Variants in DYNC1I2 observed in about 807,000 individuals in gnomAD.
The protein encoded by DYNC1I2 is cytoplasmic dynein 1 intermediate chain 2.
Under a neutral mutation model 88.6 loss-of-function variants are expected in DYNC1I2, and 53 were observed. The observed-to-expected ratio is 0.60, with a 90% CI of 0.48 to 0.75. The LOEUF (loss-of-function observed/expected upper bound fraction) is 0.75, where lower values mean the gene tolerates loss of function less well. DYNC1I2 is among the 30% of genes least tolerant of loss of function. DYNC1I2 has a pLI of 0.00. For missense variants in DYNC1I2, 458 were observed against 766.6 expected (o/e 0.60, Z 4.75); for synonymous variants, 198 against 254.6 (o/e 0.78, Z 2.12).
intron 3 of DYNC1I2, among the ~76,000 whole-genome samples, chr2:171,700,480 G>A (rs1018034370): frequency 6.6e-6 from 1 of 152,106 alleles, no homozygotes; most frequent in East Asian, 1.9e-4. Context: ...TAAAAAAATC[G>A]TAGCCTTATA....
intron 7 of DYNC1I2, among the ~76,000 whole-genome samples, chr2:171,718,731 C>T (rs1363394827): frequency 5.3e-5 from 8 of 152,016 alleles, no homozygotes; most frequent in Non-Finnish European, 1.0e-4. Context: ...CTGCCCCGGC[C>T]GTCTCCAAAC....
intron 3 of DYNC1I2, among the ~76,000 whole-genome samples, chr2:171,696,766 A>G (rs1400055207): frequency 2.6e-5 from 4 of 151,780 alleles, no homozygotes; most frequent in African/African-American, 7.3e-5. Context: ...TGGGCTCTCT[A>G]TTTTCACTAT....
rs565476757 is a variant in DYNC1I2, at chr2:171,743,013, T to C, written c.1537-1036T>C. Among the ~76,000 whole-genome samples, 57 of 152,304 alleles carry C rather than the reference T, an allele frequency of 3.7e-4. 1 individual carries two copies. In the South Asian group the frequency reaches 0.012, roughly 32 times the overall value. On this transcript the variant is annotated intron_variant, in intron 15 of 17. Coordinates refer to ENST00000397119, the MANE Select transcript of DYNC1I2 (RefSeq NM_001378.3). ...CAGGGCTTAGGGGTGCCAACGCCTA[T>C]CCCAGCAGTTCAAAATCCACATATA...
intron 2 of DYNC1I2, 88 bp downstream of exon 2, chr2:171,690,351 A>G: frequency 7.4e-6 from 7 of 950,830 alleles, no homozygotes; most frequent in Non-Finnish European, 9.2e-6. Flanking sequence ...AGGTTGGTGC[A>G]AAAGTAATCG....
chr2:171,700,016 G>C (rs1411613131), intron 3 of DYNC1I2, among the ~76,000 whole-genome samples: 3 of 151,990 alleles, frequency 2.0e-5, no homozygotes, highest in African/African-American at 7.3e-5. Flanking sequence ...GTTTCTGCTG[G>C]TCAAGAATTT....
intron 3 of DYNC1I2, among the ~76,000 whole-genome samples, chr2:171,696,708 A>G (rs1330164489): frequency 1.3e-5 from 2 of 152,104 alleles, no homozygotes; most frequent in Non-Finnish European, 2.9e-5. Flanking sequence ...CTGAAGTCCG[A>G]TGCCAACTTT....
At chr2:171,689,371 C>T (rs945389057) in intron 1 of DYNC1I2, among the ~76,000 whole-genome samples, 2 of 152,146 alleles carry the variant, frequency 1.3e-5, no homozygotes, top group African/African-American at 4.8e-5. Flanking sequence ...ATTACTACAG[C>T]ACTTTTAGAA....
chr2:171,708,664 C>G (rs1686868736), intron 5 of DYNC1I2, among the ~76,000 whole-genome samples: 1 of 151,944 alleles, frequency 6.6e-6, no homozygotes, highest in South Asian at 2.1e-4. Flanking sequence ...TTTTGTGCTT[C>G]TATATTTTTA....
intron 15 of DYNC1I2, among the ~76,000 whole-genome samples, chr2:171,731,212 T>G (rs967841620): frequency 2.4e-4 from 36 of 152,162 alleles, no homozygotes; most frequent in African/African-American, 8.2e-4. Flanking sequence ...CTAGTGAAAT[T>G]TATACAGTGG....
intron 15 of DYNC1I2, among the ~76,000 whole-genome samples, chr2:171,737,178 C>T (rs1689066949): frequency 6.6e-6 from 1 of 152,178 alleles, no homozygotes; most frequent in African/African-American, 2.4e-5. Flanking sequence ...CAGCTACCAT[C>T]ATTCCAGCCT....
intron 3 of DYNC1I2, among the ~76,000 whole-genome samples, chr2:171,702,434 A>G (rs1299675206): frequency 6.6e-6 from 1 of 152,216 alleles, no homozygotes; most frequent in Non-Finnish European, 1.5e-5. Flanking sequence ...ATTTGGCCTG[A>G]AAAATACAGG....
intron 4 of DYNC1I2, 189 bp downstream of exon 4, chr2:171,706,753 T>TGG (rs199884452): frequency 1.6e-5 from 8 of 488,354 alleles, no homozygotes; most frequent in African/African-American, 2.0e-5. Flanking sequence ...TATCTTTTTT[T>TGG]GGGGGGGAGG....
intron 3 of DYNC1I2, among the ~76,000 whole-genome samples, chr2:171,694,145 C>G (rs911383991): frequency 1.3e-5 from 2 of 151,770 alleles, no homozygotes; most frequent in African/African-American, 2.4e-5. Flanking sequence ...TCAAGCGATT[C>G]TTCTGCCTCA....
chr2:171,690,965 A>G (rs1012119530), intron 2 of DYNC1I2, among the ~76,000 whole-genome samples: 13 of 152,168 alleles, frequency 8.5e-5, no homozygotes, highest in African/African-American at 3.1e-4. Flanking sequence ...CAAGATGTCT[A>G]TATTATAATA....
intron 15 of DYNC1I2, 94 bp downstream of exon 15, chr2:171,729,947 A>G: frequency 6.9e-7 from 1 of 1,439,338 alleles, no homozygotes; most frequent in Non-Finnish European, 9.5e-7. Flanking sequence ...CTTTTAAATC[A>G]TAATTGTTTG....
At chr2:171,726,738 AAAC>A (rs777445858) in intron 10 of DYNC1I2, 50 bp from the exon 11 acceptor site, 2 of 1,597,776 alleles carry the variant, frequency 1.3e-6, no homozygotes, top group Non-Finnish European at 1.7e-6. Context: ...TAGGATTATA[AAAC>A]AGTTCTTATT....
chr2:171,715,282 G>C, intron 6 of DYNC1I2, 46 bp from the exon 7 acceptor site: 1 of 1,183,494 alleles, frequency 8.4e-7, no homozygotes, highest in Non-Finnish European at 1.2e-6. Flanking sequence ...AAAATAACAT[G>C]GTTTGATGTA....
Position 171,715,343 on chromosome 2 carries a change from A to T in DYNC1I2, c.411A>T (p.Lys137Asn), listed in dbSNP as rs1687412932. ...SDSDLGRGPIKLGMAKITQVD... is the reference protein window; with the variant it reads ...SDSDLGRGPINLGMAKITQVD... ...CTTAATTTAGACGAGGACCTATTAA[A>T]CTTGGAATGGCTAAAATCACGCAAG... is the stretch of plus-strand genomic sequence containing the variant. The change falls in exon 7 of 18, where the codon AAA (lysine) becomes AAT (asparagine). Residue 137 changes from lysine to asparagine, a missense_variant. Transcript: ENST00000397119. 1.3e-6 allele frequency: 2 copies of T among 1,560,256 alleles called. No individual in the cohort carries two copies. Among genetic ancestry groups the T allele is most frequent in the Non-Finnish European group, 1.7e-6 (2 of 1,150,890 alleles).
intron 3 of DYNC1I2, among the ~76,000 whole-genome samples, chr2:171,697,856 GAA>G (rs202238508): frequency 7.5e-5 from 1 of 13,290 alleles, no homozygotes; most frequent in Non-Finnish European, 1.8e-4. Flanking sequence ...CCTATCTCAA[GAA>G]AAGAAAAGAA....
Sources: gnomAD v4.1 joint callset for allele counts (sites outside exome capture counted in the v4.1 genomes callset) on GRCh38, gnomAD v4.1.1 for gene constraint, MANE v1.5 for transcripts, NCBI Gene and HGNC (gene_info 2026-07-23, HGNC 2026-07-21) for gene names.